Variants in MROH2A observed in about 807,000 individuals in gnomAD.
The protein encoded by MROH2A is maestro heat like repeat family member 2A, also known as maestro heat-like repeat-containing protein family member 2A.
In MROH2A, 174 loss-of-function variants were observed where a neutral mutation model predicts 200.4. The ratio of observed to expected loss-of-function variants is 0.87; its 90% CI spans 0.77 to 0.98. The LOEUF is 0.98. MROH2A is among the 50% of genes least tolerant of loss of function. MROH2A has a pLI of 0.00. For missense variants in MROH2A, 2,045 were observed against 2,139.6 expected, an observed-to-expected ratio of 0.96 and a Z score of 0.87; for synonymous variants, 829 against 840.4, an observed-to-expected ratio of 0.99 and a Z score of 0.23.
chr2:233,796,399 G>C, intron 11 of MROH2A, 86 bp downstream of exon 11: 2 of 873,460 alleles, frequency 2.3e-6, no homozygotes, highest in Non-Finnish European at 3.6e-6. Context: ...ATTCATGTTC[G>C]GGCATTGCCA....
rs1704539303 is a variant in MROH2A, at chr2:233,829,127, A to G, written c.4446+55A>G. 2.1e-6 allele frequency: 3 copies of G among 1,439,220 alleles called. No homozygotes were observed. The African/African-American group carries it at 4.3e-5, about 21-fold the overall frequency. 89.2% of individuals were successfully genotyped at this position (1,439,220 alleles called of 1,614,324 possible). On this transcript the variant is annotated intron_variant, in intron 37 of 41. Transcript: ENST00000389758. ...GCTCAGTGAAGGAGGGGCACTTCTC[A>G]GACCCTAAGGAAGAGATGGGCTCTA... is the stretch of plus-strand genomic sequence containing the variant.
intron 33 of MROH2A, 93 bp downstream of exon 33, chr2:233,822,649 C>A: frequency 1.5e-6 from 2 of 1,292,308 alleles, no homozygotes; most frequent in Non-Finnish European, 2.1e-6. Flanking sequence ...CAGTGAGGGG[C>A]CCTCTGTCTC....
intron 22 of MROH2A, among the ~76,000 whole-genome samples, chr2:233,810,209 C>T (rs757833056): frequency 1.3e-5 from 2 of 152,122 alleles, no homozygotes; most frequent in Admixed American, 6.5e-5. Flanking sequence ...TGTATTAGTT[C>T]GTGTTAACGC....
chr2:233,829,269 C>A (rs971344668), intron 37 of MROH2A, among the ~76,000 whole-genome samples, 197 bp downstream of exon 37: 1 of 152,148 alleles, frequency 6.6e-6, no homozygotes. Context: ...TGTCAAGTGA[C>A]GGCTCCTGGG....
In MROH2A at chr2:233,799,819, C is replaced by A; in HGVS notation, c.1369C>A (p.Leu457Ile). The A allele has an allele frequency of 1.3e-6, 2 of 1,550,558 alleles. No homozygotes were observed. The highest frequency in any genetic ancestry group is 2.4e-5 in the South Asian group (2 of 84,056). ...AILHIIGQLA[L>I]CGYQERIKGW... Reference sequence around the variant, plus strand: ...TCTCCACATCATTGGGCAGTTGGCTCTCTGTGGCTACCAGGAGAGAATCAA... The same window carrying A: ...TCTCCACATCATTGGGCAGTTGGCTATCTGTGGCTACCAGGAGAGAATCAA... The change falls in exon 13 of 42, where the codon CTC (leucine) becomes ATC (isoleucine). Residue 457 changes from leucine (L) to isoleucine (I), a missense_variant. Leu to Ile is a conservative substitution (Grantham distance 5, BLOSUM62 2). Coordinates refer to ENST00000389758, the MANE Select transcript of MROH2A (RefSeq NM_001394639.1).
chr2:233,818,914 C>T, intron 29 of MROH2A, 144 bp downstream of exon 29: 1 of 619,966 alleles, frequency 1.6e-6, no homozygotes, highest in Non-Finnish European at 2.9e-6. Context: ...CCAACTGCTG[C>T]CCTCTGTGTT....
chr2:233,821,607 G>T (rs1464483771), intron 31 of MROH2A, among the ~76,000 whole-genome samples: 3 of 152,212 alleles, frequency 2.0e-5, no homozygotes, highest in Non-Finnish European at 2.9e-5. Flanking sequence ...TCTCAGCAGG[G>T]CCATGGGCTT....
intron 3 of MROH2A, among the ~76,000 whole-genome samples, chr2:233,780,239 G>A (rs1377272013): frequency 1.3e-5 from 2 of 152,190 alleles, no homozygotes; most frequent in Non-Finnish European, 2.9e-5. Flanking sequence ...GATACAAAGT[G>A]CAACCAGGGG....
Position 233,795,559 on chromosome 2 carries a change from T to C in MROH2A, c.967-94T>C. The C allele has an allele frequency of 3.9e-6, 6 of 1,535,620 alleles. No individual in the cohort carries two copies. In the South Asian group the frequency reaches 7.2e-5, roughly 19 times the overall value. ...ATCAGCTCCCAGGGAATGCTGGTGC[T>C]CAGTGGGTCAGTGGGCCCCTGAGTA... is the stretch of plus-strand genomic sequence containing the variant. On this transcript the variant is annotated intron_variant, in intron 8 of 41. Transcript: ENST00000389758.
Position 233,807,676 on chromosome 2 carries a change from A to C in MROH2A, c.2173-57A>C. ...TGTGCCTTGCACGTGTGTGTGTGGGATCCTCCTCTGCCCACTGGCCCCTGC... is the reference window on the plus strand; with the variant it reads ...TGTGCCTTGCACGTGTGTGTGTGGGCTCCTCCTCTGCCCACTGGCCCCTGC... On this transcript the variant is annotated intron_variant, in intron 20 of 41. Transcript: ENST00000389758. This position sits in a 1 kb window ranked among gnomAD's most constrained non-coding sequence, Gnocchi z 4.3. The C allele has an allele frequency of 6.5e-7, 1 of 1,549,466 alleles. No homozygotes were observed. The highest frequency in any genetic ancestry group is 1.4e-5 in the African/African-American group (1 of 73,108).
intron 34 of MROH2A, 59 bp from the exon 35 acceptor site, chr2:233,823,497 G>A: frequency 6.6e-7 from 1 of 1,521,764 alleles, no homozygotes; most frequent in Non-Finnish European, 8.9e-7. Context: ...CCAGCTCTTG[G>A]CAAACGTCAG....
intron 3 of MROH2A, among the ~76,000 whole-genome samples, chr2:233,785,536 T>C (rs918465519): frequency 2.0e-5 from 3 of 149,966 alleles, no homozygotes; most frequent in Admixed American, 6.6e-5. Context: ...AACCATGCCA[T>C]GCAGGGTCAC....
chr2:233,794,493 T>A lies in MROH2A; in HGVS notation c.953T>A (p.Leu318His). Reference sequence around the variant, plus strand: ...GAGTACCAGGGCAGTCTGGAGGTGCTCTTCGTCACGCAGGCGAGTGGCCAG... The same window carrying A: ...GAGTACCAGGGCAGTCTGGAGGTGCACTTCGTCACGCAGGCGAGTGGCCAG... ...LAEYQGSLEV[L>H]FVTQVLRQIL... The change falls in exon 8 of 42, where the codon CTC becomes CAC. Residue 318 changes from leucine to histidine, a missense_variant. Leu to His is a moderately conservative substitution (Grantham distance 99). Transcript: ENST00000389758. The A allele has an allele frequency of 2.6e-6, 4 of 1,527,852 alleles. No individual in the cohort carries two copies. Among genetic ancestry groups the A allele is most frequent in the Non-Finnish European group, 3.6e-6 (4 of 1,126,360 alleles). 94.6% of individuals were successfully genotyped at this position (1,527,852 alleles called of 1,614,324 possible). A position where few individuals can be genotyped will look rare whatever the true frequency, so the allele number is the denominator to read the frequency against.
At chr2:233,791,793 A>C (rs1306375597) in intron 5 of MROH2A, among the ~76,000 whole-genome samples, 1 of 152,084 alleles carries the variant, frequency 6.6e-6, no homozygotes, top group Non-Finnish European at 1.5e-5. Context: ...AGGCTGGAGA[A>C]GGCGGGAGGT....
In MROH2A at chr2:233,822,949, A is replaced by G. The variant is rs901497043; in HGVS notation, c.3935A>G (p.Asp1312Gly). ...VKSQHLAHTL[D>G]EQAVWDLLQD... ...AGCCAGCACCTGGCACATACCCTGG[A>G]CGAGCAGGCAGTGTGGGACCTCCTG... The change falls in exon 34 of 42, where the codon GAC becomes GGC. Residue 1312 changes from aspartate to glycine, a missense_variant. Asp to Gly is a moderately conservative substitution (Grantham distance 94). This residue lies in a region of MROH2A where 1,201 missense variants were observed against 1,311.3 expected (regional missense o/e 0.92). Transcript: ENST00000389758. 16 of 1,550,494 alleles carry G rather than the reference A, an allele frequency of 1.0e-5. No individual in the cohort carries two copies. The highest frequency in any genetic ancestry group is 1.4e-5 in the Non-Finnish European group (16 of 1,146,992).
chr2:233,813,527 AG>A (rs1703314966), intron 24 of MROH2A, 142 bp from the exon 25 acceptor site: 1 of 599,786 alleles, frequency 1.7e-6, no homozygotes, highest in African/African-American at 1.9e-5. Context: ...GCCCCTGGGG[AG>A]GGATGCTTGC....
chr2:233,826,575 G>C (rs1704322606), intron 35 of MROH2A, among the ~76,000 whole-genome samples: 1 of 152,148 alleles, frequency 6.6e-6, no homozygotes, highest in Admixed American at 6.5e-5. Context: ...ATTAACTCAA[G>C]ATGGATTAAA....
intron 3 of MROH2A, among the ~76,000 whole-genome samples, chr2:233,784,483 T>A (rs1403040265): frequency 6.6e-6 from 1 of 152,226 alleles, no homozygotes; most frequent in Non-Finnish European, 1.5e-5. Context: ...ATATTCCATG[T>A]GCTGATGAGA....
At chr2:233,825,044 C>T (rs1704212737) in intron 35 of MROH2A, among the ~76,000 whole-genome samples, 1 of 152,112 alleles carries the variant, frequency 6.6e-6, no homozygotes, top group Admixed American at 6.5e-5. Context: ...CCCTCACTTC[C>T]CTTGTTAACT....
Sources: allele counts gnomAD v4.1 joint callset (sites outside exome capture counted in the v4.1 genomes callset), GRCh38; gene constraint gnomAD v4.1.1; regional missense constraint gnomAD v4.1.1; non-coding constraint Gnocchi (gnomAD v3.1); transcripts MANE v1.5; gene names NCBI Gene and HGNC (gene_info 2026-07-23, HGNC 2026-07-21).